ANPEP: variants seen among roughly 807,000 people sequenced by gnomAD.
The protein encoded by ANPEP is alanyl aminopeptidase, membrane, also known as aminopeptidase N.
ANPEP carries 70 observed loss-of-function variants against 114.6 expected under a neutral mutation model. The ratio of observed to expected loss-of-function variants is 0.61; its 90% confidence interval spans 0.50 to 0.75. The LOEUF (loss-of-function observed/expected upper bound fraction) is 0.75, where lower values mean the gene tolerates loss of function less well. Among genes scored for constraint, ANPEP ranks in the 30% least tolerant of loss-of-function variants. The pLI, the probability that ANPEP is intolerant of heterozygous loss-of-function variation, is 0.00. For synonymous variants in ANPEP, 548 were observed against 522.3 expected (o/e 1.05, Z -0.67); for missense variants, 1,184 against 1,259.5 (o/e 0.94, Z 0.91).
intron 20 of ANPEP, among the ~76,000 whole-genome samples, chr15:89,788,042 A>G (rs1411113616): frequency 6.6e-6 from 1 of 152,272 alleles, no homozygotes; most frequent in East Asian, 1.9e-4. Flanking sequence ...ATAGGAATGG[A>G]CAATGGTACA....
intron 18 of ANPEP, among the ~76,000 whole-genome samples, chr15:89,791,461 G>A (rs139853059): frequency 0.029 from 4,433 of 151,808 alleles, 212 homozygotes; most frequent in African/African-American, 0.098. Context: ...CTTTCGAGAC[G>A]GAGTCTCACT....
At position 89,805,122 on chromosome 15, in the gene ANPEP, T is replaced by C. The variant is rs1894681648; in HGVS notation, c.853A>G (p.Ser285Gly). ...MSTYLLAFIV[S>G]EFDYVEKQAS... ...TGCTTCTCCACGTAGTCGAACTCACTGACAATGAAGGCCAGCAAGTACGTG... is the reference window on the plus strand; with the variant it reads ...TGCTTCTCCACGTAGTCGAACTCACCGACAATGAAGGCCAGCAAGTACGTG... Residue 285 changes from serine (S) to glycine (G), a missense_variant, in exon 4 of 21, where the codon AGT (serine) becomes GGT (glycine). Transcript: ENST00000300060. The C allele has an allele frequency of 1.2e-6, 2 of 1,614,248 alleles. No homozygotes were observed. Among genetic ancestry groups the C allele is most frequent in the South Asian group, 1.1e-5 (1 of 91,090 alleles).
At position 89,806,014 on chromosome 15, in the gene ANPEP, C is replaced by T; in HGVS notation, c.570G>A (p.Leu190=). Residue 190 remains leucine, a synonymous_variant, in exon 2 of 21, where the codon CTG becomes CTA. Coordinates refer to ENST00000300060, the MANE Select transcript of ANPEP (RefSeq NM_001150.3). The surrounding 1 kb of genome is among the most constrained non-coding windows in gnomAD (Gnocchi z 5.7). The part of the protein sequence containing the change: ...SEFEGELADD[L]AGFYRSEYME... ...TGTACTCGCTGCGGTAGAAGCCCGC[C>T]AGGTCATCTGCCAACTCCCCCTCGA... 8.1e-6 allele frequency: 13 copies of T among 1,608,714 alleles called. No homozygotes were observed. Among genetic ancestry groups the T allele is most frequent in the Non-Finnish European group, 9.4e-6 (11 of 1,175,912 alleles).
Position 89,799,646 on chromosome 15 carries a change from G to C in ANPEP, c.1820-87C>G. On this transcript the variant is annotated intron_variant, in intron 12 of 20. Coordinates refer to ENST00000300060, the MANE Select transcript of ANPEP (RefSeq NM_001150.3). The surrounding 1 kb of genome is among the most constrained non-coding windows in gnomAD (Gnocchi z 4.2). ...TCTTGCAAGAGCAGCTGCCCCCGCA[G>C]CCTGGCACCACCTCACCCTCAAGCT... 9 of 1,578,528 alleles carry C rather than the reference G, an allele frequency of 5.7e-6. No individual in the cohort carries two copies. In the South Asian group the frequency reaches 1.0e-4, roughly 18 times the overall value.
chr15:89,795,936 T>G (rs1488009937), intron 15 of ANPEP, among the ~76,000 whole-genome samples: 1 of 152,200 alleles, frequency 6.6e-6, no homozygotes, highest in Admixed American at 6.5e-5. Context: ...AAAACTGGGC[T>G]GGGCACAGTG....
In ANPEP at chr15:89,803,928, C is replaced by T. The variant is rs760766988; in HGVS notation, c.1254G>A (p.Glu418=). The change falls in exon 7 of 21, where the codon GAG becomes GAA. Residue 418 remains glutamate, a synonymous_variant. Coordinates refer to ENST00000300060, the MANE Select transcript of ANPEP (RefSeq NM_001150.3). The surrounding 1 kb of genome is among the most constrained non-coding windows in gnomAD (Gnocchi z 4.2). The part of the protein sequence containing the change: ...WLNEGFASYV[E]YLGADYAEPT... Reference sequence around the variant, plus strand: ...GCTCCGCATAGTCAGCACCCAGGTACTCCACGTAGGAGGCGAAGCCCTCGT... The same window carrying T: ...GCTCCGCATAGTCAGCACCCAGGTATTCCACGTAGGAGGCGAAGCCCTCGT... The T allele has an allele frequency of 3.8e-5, 61 of 1,614,186 alleles. No individual in the cohort carries two copies. The highest frequency in any genetic ancestry group is 6.7e-5 in the Admixed American group (4 of 60,032).
chr15:89,811,268 A>G (rs1894810721), intron 1 of ANPEP, among the ~76,000 whole-genome samples: 1 of 152,200 alleles, frequency 6.6e-6, no homozygotes. Flanking sequence ...CTTTAAATCA[A>G]TTCACTTTCT....
chr15:89,789,002 CAG>C (rs1273289138), intron 20 of ANPEP, among the ~76,000 whole-genome samples: 14 of 150,540 alleles, frequency 9.3e-5, no homozygotes, highest in African/African-American at 3.2e-4. Context: ...TTTTTTGAGA[CAG>C]AGTCTCACTC....
At chr15:89,805,596 C>A in intron 2 of ANPEP, 133 bp from the exon 3 acceptor site, 1 of 1,304,404 alleles carries the variant, frequency 7.7e-7, no homozygotes, top group South Asian at 1.4e-5. Flanking sequence ...CTGCTCCCAC[C>A]CCCGCCTCGC....
At chr15:89,798,982 A>C (rs1426204204) in intron 14 of ANPEP, among the ~76,000 whole-genome samples, 1 of 152,160 alleles carries the variant, frequency 6.6e-6, no homozygotes, top group Non-Finnish European at 1.5e-5. Context: ...ACAAAAACAA[A>C]AAGCTTGGTG....
chr15:89,792,688 G>A (rs28493892), intron 16 of ANPEP, 126 bp from the exon 17 acceptor site: 16 of 795,332 alleles, frequency 2.0e-5, no homozygotes, highest in East Asian at 2.7e-5. Flanking sequence ...TCTGACCCCC[G>A]CTGTATGTGC....
rs543638895 is a variant in ANPEP, at chr15:89,796,563, C to T, written c.2157+1012G>A. On this transcript the variant is annotated intron_variant, in intron 15 of 20. Transcript: ENST00000300060. ...AGTGCAGTAGCACCATCTTGGCTCACTGCAAGCTCCACCTCCCAGGTTCAT... is the reference window on the plus strand; with the variant it reads ...AGTGCAGTAGCACCATCTTGGCTCATTGCAAGCTCCACCTCCCAGGTTCAT... 4.6e-5 allele frequency among the ~76,000 whole-genome samples: 7 copies of T among 152,122 alleles called. No individual in the cohort carries two copies. The East Asian group carries it at 1.4e-3, about 29-fold the overall frequency.
chr15:89,793,530 G>A (rs1176555538), intron 15 of ANPEP, among the ~76,000 whole-genome samples: 1 of 151,792 alleles, frequency 6.6e-6, no homozygotes, highest in Non-Finnish European at 1.5e-5. Context: ...GTGAAACCAC[G>A]TCTCTACTAA....
intron 6 of ANPEP, 82 bp from the exon 7 acceptor site, chr15:89,804,084 C>T: frequency 6.4e-7 from 1 of 1,564,030 alleles, no homozygotes. Context: ...CCAGGGCTGG[C>T]CATCTGCCAG....
rs144731451 is a variant in ANPEP at position 89,792,273 on chromosome 15, C to T, written c.2415G>A (p.Gly805=). The stretch of plus-strand genomic sequence containing the variant: ...CCCAGGCGAAGTCCCACTCCTCCTC[C>T]CCGCCCTGGGCGATAGCGTTGCAGT... ...TVYCNAIAQG[G]EEEWDFAWEQ... Residue 805 remains glycine (G), a synonymous_variant, in exon 18 of 21, where the codon GGG becomes GGA. Coordinates refer to ENST00000300060, the MANE Select transcript of ANPEP (RefSeq NM_001150.3). The T allele has an allele frequency of 1.2e-6, 2 of 1,614,250 alleles. No homozygotes were observed. The highest frequency in any genetic ancestry group is 1.1e-5 in the South Asian group (1 of 91,088).
chr15:89,813,307 A>G (rs1185056223), intron 1 of ANPEP, among the ~76,000 whole-genome samples: 1 of 152,206 alleles, frequency 6.6e-6, no homozygotes, highest in Non-Finnish European at 1.5e-5. Flanking sequence ...AATGCCTAGC[A>G]TACAATTCTT....
chr15:89,791,114 C>G (rs7168329), intron 18 of ANPEP, 21 bp from the exon 19 acceptor site: 502,344 of 1,611,852 alleles, frequency 0.31, 79,758 homozygotes, highest in African/African-American at 0.35. Context: ...CAGATGCTGT[C>G]TCAGCTACTG....
At chr15:89,790,613 GTA>G in intron 19 of ANPEP, 72 bp from the exon 20 acceptor site, 1 of 1,348,862 alleles carries the variant, frequency 7.4e-7, no homozygotes, top group East Asian at 2.3e-5. Flanking sequence ...CACCTACTGG[GTA>G]GGGAGCCATG....
intron 15 of ANPEP, among the ~76,000 whole-genome samples, chr15:89,796,123 G>A (rs1968721593): frequency 6.6e-6 from 1 of 152,234 alleles, no homozygotes; most frequent in Non-Finnish European, 1.5e-5. Context: ...GACTGAGGCA[G>A]GAGGATCCCT....
Sources: gnomAD v4.1 joint callset for allele counts (sites outside exome capture counted in the v4.1 genomes callset) on GRCh38, gnomAD v4.1.1 for gene constraint, Gnocchi (gnomAD v3.1) non-coding constraint, MANE v1.5 for transcripts, NCBI Gene and HGNC (gene_info 2026-07-23, HGNC 2026-07-21) for gene names.